TMEM232: variants seen among roughly 807,000 people sequenced by gnomAD.
TMEM232 encodes transmembrane protein 232.
Under a neutral mutation model 78.8 loss-of-function variants are expected in TMEM232, and 80 were observed. The observed-to-expected ratio is 1.01, with a 90% CI of 0.85 to 1.22. The LOEUF is 1.22. Ranked by LOEUF, TMEM232 falls within the 50% of genes most tolerant of loss-of-function variation. TMEM232 has a pLI of 0.00. For missense variants in TMEM232, 881 were observed against 742.2 expected (o/e 1.19, Z -2.17); for synonymous variants, 297 against 254.3 (o/e 1.17, Z -1.60).
rs903177940 is a variant in TMEM232, at chr5:110,532,584, T to C, written c.1456-3749A>G. Among the ~76,000 whole-genome samples the C allele has an allele frequency of 1.6e-4, 24 of 152,162 alleles. No homozygotes were observed. In the South Asian group the frequency reaches 2.3e-3, roughly 14 times the overall value. On this transcript the variant is annotated intron_variant, in intron 11 of 13. Coordinates refer to ENST00000455884, the MANE Select transcript of TMEM232 (RefSeq NM_001039763.4). ...AGCACTCCTTTTTAGTATCCCCACC[T>C]GCCCAGTTCCCTTATTAGGCTGAGA...
chr5:110,658,962 T>A (rs17132250), intron 2 of TMEM232, among the ~76,000 whole-genome samples: 7,772 of 152,190 alleles, frequency 0.051, 417 homozygotes, highest in East Asian at 0.24. Flanking sequence ...AAAGGTTTGA[T>A]GAAAGCAAGG....
chr5:110,412,234 G>A (rs536790777), intron 2 of TMEM232, among the ~76,000 whole-genome samples: 23 of 152,254 alleles, frequency 1.5e-4, no homozygotes, highest in East Asian at 3.9e-4. Flanking sequence ...ATTTGATGCC[G>A]AAGGCTTTGT....
At chr5:110,721,881 T>G (rs1249483947) in intron 1 of TMEM232, among the ~76,000 whole-genome samples, 2 of 151,336 alleles carry the variant, frequency 1.3e-5, no homozygotes, top group Non-Finnish European at 2.9e-5. Flanking sequence ...AAGAAGCAGC[T>G]ATGGGAGAGA....
intron 12 of TMEM232, among the ~76,000 whole-genome samples, chr5:110,469,718 G>A (rs1171247130): frequency 6.6e-6 from 1 of 152,136 alleles, no homozygotes; most frequent in Non-Finnish European, 1.5e-5. Flanking sequence ...AATCCCCTCA[G>A]CCTGAGCTGA....
At chr5:110,650,220 G>A (rs1788109333) in intron 2 of TMEM232, among the ~76,000 whole-genome samples, 1 of 151,762 alleles carries the variant, frequency 6.6e-6, no homozygotes. Context: ...CCTTTATAAT[G>A]TCTGGGATTT....
chr5:110,656,056 A>T (rs573484090), intron 2 of TMEM232, among the ~76,000 whole-genome samples: 5 of 127,158 alleles, frequency 3.9e-5, no homozygotes, highest in Non-Finnish European at 8.7e-5. Flanking sequence ...AAAGTATAAT[A>T]AAAAAAAAAC....
At chr5:110,427,612 C>T (rs1757383698) in intron 12 of TMEM232, among the ~76,000 whole-genome samples, 3 of 151,796 alleles carry the variant, frequency 2.0e-5, no homozygotes, top group South Asian at 4.2e-4. Flanking sequence ...TCTCATAGTT[C>T]TGGAGGAAAA....
intron 11 of TMEM232, among the ~76,000 whole-genome samples, chr5:110,539,939 T>A (rs1772889856): frequency 6.6e-6 from 1 of 152,140 alleles, no homozygotes; most frequent in Non-Finnish European, 1.5e-5. Context: ...ACAGCTTTGT[T>A]CTTTTGGGGG....
chr5:110,472,193 T>C (rs974044285), intron 12 of TMEM232, among the ~76,000 whole-genome samples: 1 of 151,866 alleles, frequency 6.6e-6, no homozygotes, highest in Non-Finnish European at 1.5e-5. Flanking sequence ...ACAAATTCAG[T>C]AAAGTTTCAG....
At position 110,517,045 on chromosome 5, in the gene TMEM232, T is replaced by G. The variant is rs1002097548; in HGVS notation, c.1703+11543A>C. The stretch of plus-strand genomic sequence containing the variant: ...CCCACCTTCTATAGGAGTCCTTATA[T>G]GTTGGCTTCTTGCCGTCTTTCACAT... On this transcript the variant is annotated intron_variant, in intron 12 of 13. Transcript: ENST00000455884. 2.0e-5 allele frequency among the ~76,000 whole-genome samples: 3 copies of G among 152,246 alleles called. No homozygotes were observed. In the South Asian group the frequency reaches 6.2e-4, roughly 31 times the overall value.
chr5:110,635,254 A>G (rs532650279), intron 5 of TMEM232, among the ~76,000 whole-genome samples: 2 of 152,170 alleles, frequency 1.3e-5, no homozygotes, highest in South Asian at 4.1e-4. Flanking sequence ...TCTACCAAAT[A>G]GATAATGAAA....
chr5:110,644,583 A>G lies in TMEM232; in HGVS notation c.126-2212T>C, dbSNP rs112333952. ...CACAAACCAACCAACCTATATACAC[A>G]CTTTACCAAAACTTCTGGGATGCAG... is the stretch of plus-strand genomic sequence containing the variant. On this transcript the variant is annotated intron_variant, in intron 2 of 13. Transcript: ENST00000455884. Among the ~76,000 whole-genome samples, 145 of 151,864 alleles carry G rather than the reference A, an allele frequency of 9.5e-4. 1 individual carries two copies. The highest frequency in any genetic ancestry group is 3.4e-3 in the African/African-American group (141 of 41,510).
chr5:110,638,658 A>G (rs1012645005), intron 4 of TMEM232, among the ~76,000 whole-genome samples: 1 of 152,074 alleles, frequency 6.6e-6, no homozygotes, highest in Non-Finnish European at 1.5e-5. Flanking sequence ...TCTCTCTCTC[A>G]AGATACTAGC....
chr5:110,583,966 C>CAAAAAAAAAA (rs60079206), intron 10 of TMEM232, among the ~76,000 whole-genome samples: 3 of 99,070 alleles, frequency 3.0e-5, no homozygotes, highest in African/African-American at 3.6e-5. Context: ...TATCTATTAT[C>CAAAAAAAAAA]AAAAAAAAAA....
intron 8 of TMEM232, among the ~76,000 whole-genome samples, chr5:110,610,086 T>G (rs958755963): frequency 6.6e-6 from 1 of 151,744 alleles, no homozygotes; most frequent in Non-Finnish European, 1.5e-5. Context: ...AAAATATAAT[T>G]AAAATCCATA....
chr5:110,573,293 T>C (rs1160532735), intron 10 of TMEM232, among the ~76,000 whole-genome samples: 1 of 152,096 alleles, frequency 6.6e-6, no homozygotes, highest in Non-Finnish European at 1.5e-5. Flanking sequence ...TGAGTGTACA[T>C]AAGTATAGCC....
In TMEM232 at chr5:110,615,828, A is replaced by G. The variant is rs1452969185; in HGVS notation, c.902+2601T>C. Among the ~76,000 whole-genome samples the G allele has an allele frequency of 2.0e-5, 3 of 152,140 alleles. No individual in the cohort carries two copies. The East Asian group carries it at 5.8e-4, about 29-fold the overall frequency. The stretch of plus-strand genomic sequence containing the variant: ...CAGGTGATAAAATCAACATATTAAA[A>G]TCAATAGCACTGCTATATACTAATG... On this transcript the variant is annotated intron_variant, in intron 8 of 13. Coordinates refer to ENST00000455884, the MANE Select transcript of TMEM232 (RefSeq NM_001039763.4).
intron 12 of TMEM232, among the ~76,000 whole-genome samples, chr5:110,444,812 G>A (rs1348673980): frequency 1.3e-5 from 2 of 152,106 alleles, no homozygotes; most frequent in African/African-American, 2.4e-5. Context: ...TAATTGATAA[G>A]TAAGCCTCTT....
At chr5:110,456,481 A>G (rs979770027) in intron 12 of TMEM232, among the ~76,000 whole-genome samples, 1 of 152,176 alleles carries the variant, frequency 6.6e-6, no homozygotes. Context: ...TTAAACTAAT[A>G]TAGAGATGCA....
Sources: allele counts gnomAD v4.1 joint callset (sites outside exome capture counted in the v4.1 genomes callset), GRCh38; gene constraint gnomAD v4.1.1; transcripts MANE v1.5; gene names NCBI Gene and HGNC (gene_info 2026-07-23, HGNC 2026-07-21).